Variants in MKLN1 observed in about 807,000 individuals in gnomAD.
MKLN1 encodes muskelin.
A neutral mutation model predicts 99.0 loss-of-function variants in MKLN1; 18 were observed. That is an observed-to-expected ratio of 0.18 (90% CI 0.13 to 0.27). The LOEUF (loss-of-function observed/expected upper bound fraction) is 0.27. Among genes scored for constraint, MKLN1 ranks in the 10% least tolerant of loss-of-function variants. MKLN1 has a pLI of 1.00. For missense variants in MKLN1, 621 were observed against 875.9 expected (o/e 0.71, Z 3.67); for synonymous variants, 288 against 293.2 (o/e 0.98, Z 0.18).
chr7:131,378,169 TG>T (rs1793721573), intron 2 of MKLN1, among the ~76,000 whole-genome samples: 1 of 152,232 alleles, frequency 6.6e-6, no homozygotes, highest in Non-Finnish European at 1.5e-5. Flanking sequence ...TGGAGTGCAG[TG>T]GCGTAATCTT....
At position 131,445,782 on chromosome 7, in the gene MKLN1, T is replaced by C; in HGVS notation, c.1404T>C (p.Arg468=). 6.3e-7 allele frequency: 1 copy of C among 1,590,130 alleles called. No homozygotes were observed. Among genetic ancestry groups the C allele is most frequent in the Admixed American group, 1.8e-5 (1 of 55,790 alleles). Residue 468 remains arginine, a synonymous_variant, in exon 12 of 18, where the codon CGT becomes CGC. Coordinates refer to ENST00000352689, the MANE Select transcript of MKLN1 (RefSeq NM_013255.5). ...TTTTTCTTCTTTTTCAGAAAAATCG[T>C]TGCTTATATGTATTTGGTGGCCAGC... ...GHCMLFHSKN[R]CLYVFGGQRS... is the part of the protein sequence containing the mutation.
In MKLN1 at chr7:131,411,394, C is replaced by T. The variant is rs1278610747; in HGVS notation, c.781+11C>T. On this transcript the variant is annotated intron_variant, in intron 7 of 17. Transcript: ENST00000352689. ...CCAAAAGTACCAAAGGTAAGCCATA[C>T]CTTCTAGATTGTAGTTCTTTTTCAT... is the stretch of plus-strand genomic sequence containing the variant. 1.9e-6 allele frequency: 3 copies of T among 1,565,910 alleles called. No homozygotes were observed. The highest frequency in any genetic ancestry group is 2.7e-5 in the African/African-American group (2 of 73,844).
chr7:131,332,832 T>C (rs1279722366), intron 1 of MKLN1, among the ~76,000 whole-genome samples: 1 of 152,094 alleles, frequency 6.6e-6, no homozygotes, highest in Non-Finnish European at 1.5e-5. Flanking sequence ...GGCATGATCA[T>C]AGTTCACTGC....
In MKLN1 at chr7:131,478,705, C is replaced by A. The variant is rs781363779; in HGVS notation, c.2086+28C>A. The stretch of plus-strand genomic sequence containing the variant: ...AAGTATTGCAGTATAATTTATCCAG[C>A]TAGATGCCCTAGCATTTGGAAGGTT... On this transcript the variant is annotated intron_variant, in intron 17 of 17. Transcript: ENST00000352689. The A allele has an allele frequency of 8.1e-6, 13 of 1,605,588 alleles. No homozygotes were observed. In the African/African-American group the frequency reaches 1.8e-4, roughly 22 times the overall value.
intron 2 of MKLN1, among the ~76,000 whole-genome samples, chr7:131,165,393 G>T (rs1429200602): frequency 1.3e-5 from 2 of 151,870 alleles, no homozygotes; most frequent in Non-Finnish European, 2.9e-5. Context: ...CACCATGTTG[G>T]CCAGGCTGGT....
chr7:131,224,351 G>C (rs565461677), intron 3 of MKLN1, among the ~76,000 whole-genome samples: 1 of 97,176 alleles, frequency 1.0e-5, no homozygotes, highest in South Asian at 3.6e-4. Flanking sequence ...TTTAAGACTA[G>C]CCTGGCCAAC....
chr7:131,402,800 G>T (rs369664808), intron 6 of MKLN1, among the ~76,000 whole-genome samples: 1 of 152,140 alleles, frequency 6.6e-6, no homozygotes, highest in Non-Finnish European at 1.5e-5. Context: ...TGAGCAGTAG[G>T]TCTCAACAGT....
chr7:131,239,797 C>T (rs1797374568), intron 3 of MKLN1, among the ~76,000 whole-genome samples: 1 of 152,102 alleles, frequency 6.6e-6, no homozygotes, highest in African/African-American at 2.4e-5. Context: ...TGAGACCAGC[C>T]TGGTCAACCT....
rs1393335208 is a variant in MKLN1, at chr7:131,443,690, G to A, written c.1383G>A (p.Met461Ile). The A allele has an allele frequency of 6.2e-7, 1 of 1,607,018 alleles. No homozygotes were observed. Among genetic ancestry groups the A allele is most frequent in the Non-Finnish European group, 8.5e-7 (1 of 1,173,710 alleles). Residue 461 changes from methionine to isoleucine, a missense_variant, in exon 11 of 18, where the codon ATG becomes ATA. Met to Ile is a conservative substitution (Grantham distance 10). Around this residue, in one of 8 missense-constraint regions of MKLN1, gnomAD observed 361 missense variants for 540.8 expected, o/e 0.67. Transcript: ENST00000352689. Reference protein sequence around the residue: ...EDIQSRIGHCMLFHSKNRCLY... With the variant: ...EDIQSRIGHCILFHSKNRCLY... ...TCCAGTCTCGAATAGGACACTGCAT[G>A]TTATTCCACTCAGTAAGAACATTCC...
At chr7:131,202,482 G>A (rs554123981) in intron 2 of MKLN1, among the ~76,000 whole-genome samples, 1 of 152,046 alleles carries the variant, frequency 6.6e-6, no homozygotes, top group South Asian at 2.1e-4. Context: ...GGCTGGCCTC[G>A]AATGCATAGC....
chr7:131,226,022 C>A (rs1381729586), intron 3 of MKLN1, among the ~76,000 whole-genome samples: 3 of 150,540 alleles, frequency 2.0e-5, no homozygotes, highest in Non-Finnish European at 4.4e-5. Context: ...ACCCCGCCTG[C>A]CTTCCCCCCT....
At chr7:131,389,014 T>G in intron 4 of MKLN1, 42 bp downstream of exon 4, 1 of 1,380,136 alleles carries the variant, frequency 7.2e-7, no homozygotes, top group Non-Finnish European at 1.0e-6. Context: ...ATTCTTGATA[T>G]CATCAGTCAG....
intron 3 of MKLN1, among the ~76,000 whole-genome samples, chr7:131,292,940 A>G (rs1345835618): frequency 6.6e-6 from 1 of 152,244 alleles, no homozygotes; most frequent in Non-Finnish European, 1.5e-5. Flanking sequence ...CCGACATTGT[A>G]TATCTCCTGA....
chr7:131,432,021 C>T (rs891649169), intron 9 of MKLN1, among the ~76,000 whole-genome samples: 1 of 152,206 alleles, frequency 6.6e-6, no homozygotes, highest in Non-Finnish European at 1.5e-5. Flanking sequence ...GAATTAAAAG[C>T]TTCCTTTGAT....
chr7:131,258,147 CT>C (rs34365316), intron 3 of MKLN1, among the ~76,000 whole-genome samples: 78,880 of 145,412 alleles, frequency 0.54, 23,151 homozygotes, highest in Admixed American at 0.69. Flanking sequence ...AAAAAAGCTC[CT>C]TTTTTTTTTG....
At chr7:131,378,583 A>G (rs771129156) in intron 2 of MKLN1, among the ~76,000 whole-genome samples, 2 of 152,140 alleles carry the variant, frequency 1.3e-5, no homozygotes, top group Non-Finnish European at 2.9e-5. Context: ...TAATCCTACC[A>G]CTTTGGGAGG....
At chr7:131,231,203 G>C (rs1434301666) in intron 3 of MKLN1, among the ~76,000 whole-genome samples, 3 of 149,170 alleles carry the variant, frequency 2.0e-5, no homozygotes, top group Non-Finnish European at 4.5e-5. Context: ...TTAACTACAG[G>C]ATTGTAGCGG....
chr7:131,114,764 G>A (rs950033055), intron 1 of MKLN1, among the ~76,000 whole-genome samples: 2 of 151,968 alleles, frequency 1.3e-5, no homozygotes, highest in Non-Finnish European at 2.9e-5. Context: ...TGGCCAATAT[G>A]GCAAAACCCC....
At chr7:131,440,369 C>A (rs746820955) in intron 10 of MKLN1, among the ~76,000 whole-genome samples, 2 of 152,086 alleles carry the variant, frequency 1.3e-5, no homozygotes, top group Admixed American at 6.6e-5. Context: ...TTGAAGGAGC[C>A]ATTCAATTCA....
Sources: allele counts gnomAD v4.1 joint callset (sites outside exome capture counted in the v4.1 genomes callset), GRCh38; gene constraint gnomAD v4.1.1; regional missense constraint gnomAD v4.1.1; transcripts MANE v1.5; gene names NCBI Gene and HGNC (gene_info 2026-07-23, HGNC 2026-07-21).